Variants in TBC1D4 observed in about 807,000 individuals in gnomAD.
TBC1D4 encodes the protein TBC1 domain family member 4.
In TBC1D4, 121 loss-of-function variants were observed where a neutral mutation model predicts 142.5. The observed-to-expected ratio is 0.85, with a 90% CI of 0.73 to 0.99. The LOEUF is 0.99. Ranked by LOEUF, TBC1D4 falls within the 50% of genes least tolerant of loss-of-function variation. The probability of loss-of-function intolerance (pLI) is 0.00; values close to 1 mark genes in which losing one functional copy is unlikely to be tolerated. For synonymous variants in TBC1D4, 630 were observed against 628.2 expected (o/e 1.00, Z -0.04); for missense variants, 1,475 against 1,606.6 (o/e 0.92, Z 1.40).
Position 75,336,910 on chromosome 13 carries a change from T to C in TBC1D4, c.1731+11A>G, listed in dbSNP as rs749911064. 1 of 1,613,598 alleles carries C rather than the reference T, an allele frequency of 6.2e-7. No individual in the cohort carries two copies. The highest frequency in any genetic ancestry group is 1.1e-5 in the South Asian group (1 of 91,068). ...ATATGCATACTTGAAAGACCATTGG[T>C]GCAATCTTACCCTTGAGAAGATATT... On this transcript the variant is annotated intron_variant, in intron 8 of 20. Coordinates refer to ENST00000377636, the MANE Select transcript of TBC1D4 (RefSeq NM_014832.5).
At chr13:75,459,280 T>C (rs1303066957) in intron 1 of TBC1D4, among the ~76,000 whole-genome samples, 1 of 152,146 alleles carries the variant, frequency 6.6e-6, no homozygotes, top group African/African-American at 2.4e-5. Context: ...CCCACAACAC[T>C]GACCCCATAC....
chr13:75,288,195 T>C (rs1257578079), intron 20 of TBC1D4, among the ~76,000 whole-genome samples: 1 of 152,152 alleles, frequency 6.6e-6, no homozygotes, highest in Non-Finnish European at 1.5e-5. Context: ...TGGGATTCAA[T>C]TTACCTAGAC....
intron 5 of TBC1D4, among the ~76,000 whole-genome samples, chr13:75,347,829 A>T (rs1881274750): frequency 6.6e-6 from 1 of 152,208 alleles, no homozygotes; most frequent in African/African-American, 2.4e-5. Flanking sequence ...TAATTGTTTA[A>T]GCCTATTACA....
At chr13:75,352,219 G>A (rs1881659086) in intron 4 of TBC1D4, among the ~76,000 whole-genome samples, 1 of 152,032 alleles carries the variant, frequency 6.6e-6, no homozygotes, top group Non-Finnish European at 1.5e-5. Context: ...TGTTACAGAT[G>A]TAAATTTACA....
At chr13:75,308,055 C>T (rs1257252399) in intron 14 of TBC1D4, among the ~76,000 whole-genome samples, 1 of 152,036 alleles carries the variant, frequency 6.6e-6, no homozygotes, top group African/African-American at 2.4e-5. Flanking sequence ...AGCCGCACAC[C>T]CTGAGGATAA....
chr13:75,378,212 T>C (rs1006427929), intron 1 of TBC1D4, among the ~76,000 whole-genome samples: 7 of 152,154 alleles, frequency 4.6e-5, no homozygotes, highest in Admixed American at 6.5e-5. Context: ...TTACTAAAAG[T>C]TGGTTTAAGT....
chr13:75,334,894 C>CA (rs373346907), intron 8 of TBC1D4, among the ~76,000 whole-genome samples: 46 of 152,270 alleles, frequency 3.0e-4, no homozygotes, highest in African/African-American at 9.4e-4. Context: ...CTACCCTTTT[C>CA]ATATTAGTAA....
chr13:75,325,691 T>C (rs2062289202), intron 10 of TBC1D4, among the ~76,000 whole-genome samples: 1 of 152,224 alleles, frequency 6.6e-6, no homozygotes, highest in African/African-American at 2.4e-5. Flanking sequence ...ACATATCACC[T>C]TATTCTAGAT....
At chr13:75,408,690 A>T (rs1437134055) in intron 1 of TBC1D4, among the ~76,000 whole-genome samples, 1 of 152,172 alleles carries the variant, frequency 6.6e-6, no homozygotes, top group Non-Finnish European at 1.5e-5. Flanking sequence ...TCCCACCAAC[A>T]GTGTATGAGG....
chr13:75,353,549 G>A (rs886847619), intron 4 of TBC1D4, among the ~76,000 whole-genome samples: 4 of 152,094 alleles, frequency 2.6e-5, no homozygotes, highest in African/African-American at 9.7e-5. Flanking sequence ...GGATTGGCAA[G>A]AACTGTTTGA....
In TBC1D4 at chr13:75,355,376, C is replaced by T. The variant is rs1881955275; in HGVS notation, c.1275+771G>A. 2.0e-5 allele frequency among the ~76,000 whole-genome samples: 3 copies of T among 152,162 alleles called. 1 individual carries two copies. In the South Asian group the frequency reaches 6.2e-4, roughly 31 times the overall value. ...GCATAGGTGCAAGAATGAGTAAAAA[C>T]TTTGAGGGGAAAAAAATCAACTTAT... is the stretch of plus-strand genomic sequence containing the variant. On this transcript the variant is annotated intron_variant, in intron 4 of 20. Transcript: ENST00000377636.
chr13:75,380,094 G>A (rs1391786029), intron 1 of TBC1D4, among the ~76,000 whole-genome samples: 2 of 151,166 alleles, frequency 1.3e-5, no homozygotes, highest in East Asian at 3.9e-4. Context: ...GGCCAGGTAG[G>A]TCTCGAACTC....
intron 7 of TBC1D4, among the ~76,000 whole-genome samples, chr13:75,338,710 C>T (rs889940674): frequency 2.7e-4 from 41 of 152,240 alleles, no homozygotes; most frequent in South Asian, 6.2e-4. Flanking sequence ...CCTCCTTACT[C>T]ATCACCTCAA....
chr13:75,387,063 T>A (rs765529939), intron 1 of TBC1D4, among the ~76,000 whole-genome samples: 43 of 152,066 alleles, frequency 2.8e-4, no homozygotes, highest in Non-Finnish European at 4.9e-4. Flanking sequence ...ACTGAGAAAA[T>A]TTAAAATATT....
chr13:75,480,571 T>G (rs191581850), intron 1 of TBC1D4, among the ~76,000 whole-genome samples: 1 of 152,302 alleles, frequency 6.6e-6, no homozygotes, highest in Admixed American at 6.5e-5. Context: ...ATTTAAAAAA[T>G]GATATTAGAA....
chr13:75,421,354 T>C (rs1207540862), intron 1 of TBC1D4, among the ~76,000 whole-genome samples: 2 of 152,128 alleles, frequency 1.3e-5, no homozygotes, highest in African/African-American at 4.8e-5. Context: ...CCTAACTGCA[T>C]GGGGACTTTG....
At chr13:75,388,030 C>G (rs1314832491) in intron 1 of TBC1D4, among the ~76,000 whole-genome samples, 1 of 152,138 alleles carries the variant, frequency 6.6e-6, no homozygotes, top group Non-Finnish European at 1.5e-5. Flanking sequence ...AGGGCTGTTC[C>G]AAGTTTCTAA....
Position 75,302,347 on chromosome 13 carries a change from C to T in TBC1D4, c.2807G>A (p.Arg936Gln), listed in dbSNP as rs752736604. ...EIWQFLALQY[R>Q]LRHRLPNKQQ... is the part of the protein sequence containing the mutation. ...TTTATTAGGCAATCTGTGTCTGAGT[C>T]GGTACTGTAAAGCCAGAAACTGCCA... Residue 936 changes from arginine to glutamine, a missense_variant, in exon 16 of 21, where the codon CGA becomes CAA. Transcript: ENST00000377636. 7 of 1,613,998 alleles carry T rather than the reference C, an allele frequency of 4.3e-6. No homozygotes were observed. The highest frequency in any genetic ancestry group is 1.1e-5 in the South Asian group (1 of 91,088).
At chr13:75,357,312 T>C (rs1202204586) in intron 3 of TBC1D4, among the ~76,000 whole-genome samples, 1 of 152,184 alleles carries the variant, frequency 6.6e-6, no homozygotes, top group Non-Finnish European at 1.5e-5. Context: ...GAGGCTGCAA[T>C]TCTTGAGGTG....
Sources: gnomAD v4.1 joint callset for allele counts (sites outside exome capture counted in the v4.1 genomes callset) on GRCh38, gnomAD v4.1.1 for gene constraint, MANE v1.5 for transcripts, NCBI Gene and HGNC (gene_info 2026-07-23, HGNC 2026-07-21) for gene names.